SLC22A16: variants seen among roughly 807,000 people sequenced by gnomAD.
The protein encoded by SLC22A16 is WUGSC:RG331P03.1.
SLC22A16 carries 53 observed loss-of-function variants against 52.9 expected under a neutral mutation model. The observed-to-expected ratio is 1.00, with a 90% CI of 0.80 to 1.26. The LOEUF (loss-of-function observed/expected upper bound fraction) is 1.26, where lower values mean the gene tolerates loss of function less well. SLC22A16 is among the 50% of genes most tolerant of loss of function. The pLI is 0.00. For missense variants in SLC22A16, 726 were observed against 704.0 expected, an observed-to-expected ratio of 1.03 and a Z score of -0.35; for synonymous variants, 291 against 268.8, an observed-to-expected ratio of 1.08 and a Z score of -0.81.
intron 1 of SLC22A16, among the ~76,000 whole-genome samples, chr6:110,459,963 A>G (rs1334229530): frequency 7.2e-5 from 11 of 152,202 alleles, no homozygotes; most frequent in Admixed American, 7.2e-4. Flanking sequence ...AACCCCTGAA[A>G]TTAAGAGGCA....
intron 1 of SLC22A16, among the ~76,000 whole-genome samples, chr6:110,471,281 G>C (rs142962077): frequency 6.6e-6 from 1 of 152,184 alleles, no homozygotes; most frequent in Non-Finnish European, 1.5e-5. Flanking sequence ...GGAGCAGTGG[G>C]CTATACCATA....
intron 1 of SLC22A16, among the ~76,000 whole-genome samples, chr6:110,470,165 A>T (rs1235876248): frequency 6.6e-6 from 1 of 152,196 alleles, no homozygotes; most frequent in Admixed American, 6.5e-5. Context: ...AATAAGAGGC[A>T]TGAAAATCAG....
chr6:110,474,493 T>C (rs1354037563), intron 1 of SLC22A16, among the ~76,000 whole-genome samples: 2 of 152,256 alleles, frequency 1.3e-5, no homozygotes, highest in African/African-American at 4.8e-5. Context: ...AGTGGTTTGT[T>C]ACCCTTTTCC....
chr6:110,431,498 T>C (rs1015290166), intron 6 of SLC22A16, among the ~76,000 whole-genome samples: 3 of 152,186 alleles, frequency 2.0e-5, no homozygotes, highest in Non-Finnish European at 2.9e-5. Flanking sequence ...ATATTTACCA[T>C]TGTGTTACGA....
intron 2 of SLC22A16, among the ~76,000 whole-genome samples, chr6:110,451,323 G>A (rs1582558655): frequency 6.6e-6 from 1 of 152,292 alleles, no homozygotes; most frequent in Non-Finnish European, 1.5e-5. Flanking sequence ...CAGGGTATAT[G>A]CCCCAGAGCA....
At chr6:110,433,014 A>T (rs1774567553) in intron 6 of SLC22A16, among the ~76,000 whole-genome samples, 1 of 152,224 alleles carries the variant, frequency 6.6e-6, no homozygotes, top group Admixed American at 6.5e-5. Flanking sequence ...GCCTTTGGCC[A>T]CGACCCTAAT....
At chr6:110,450,891 C>A (rs1483855986) in intron 2 of SLC22A16, among the ~76,000 whole-genome samples, 1 of 152,170 alleles carries the variant, frequency 6.6e-6, no homozygotes, top group African/African-American at 2.4e-5. Flanking sequence ...GACTACAAAT[C>A]CCTTGCCCTT....
chr6:110,425,979 G>C (rs928364905), intron 7 of SLC22A16, among the ~76,000 whole-genome samples: 4 of 152,130 alleles, frequency 2.6e-5, no homozygotes, highest in African/African-American at 9.7e-5. Context: ...CTACACACTT[G>C]GTATGTTTAT....
chr6:110,447,698 C>T (rs1176991329), intron 2 of SLC22A16, among the ~76,000 whole-genome samples: 2 of 152,220 alleles, frequency 1.3e-5, no homozygotes, highest in African/African-American at 4.8e-5. Context: ...AACCACTCAT[C>T]TACCTTCTGT....
intron 3 of SLC22A16, among the ~76,000 whole-genome samples, chr6:110,445,133 C>G (rs912182311): frequency 1.3e-5 from 2 of 152,110 alleles, no homozygotes; most frequent in African/African-American, 4.8e-5. Flanking sequence ...TTGCCATTGC[C>G]TTTAGGAGAT....
chr6:110,476,052 G>C, intron 1 of SLC22A16: 1 of 455,814 alleles, frequency 2.2e-6, no homozygotes, highest in Non-Finnish European at 4.4e-6. Context: ...CTGACTAACG[G>C]TTGTCCCTGG....
intron 1 of SLC22A16, among the ~76,000 whole-genome samples, chr6:110,461,854 G>A (rs189237974): frequency 6.6e-6 from 1 of 152,292 alleles, no homozygotes; most frequent in African/African-American, 2.4e-5. Context: ...TCAAATGTTG[G>A]CAAATTCAAA....
chr6:110,427,055 C>T (rs931357683), intron 7 of SLC22A16, among the ~76,000 whole-genome samples: 13 of 151,482 alleles, frequency 8.6e-5, no homozygotes, highest in African/African-American at 3.2e-4. Context: ...AGTTTGAGAC[C>T]AGCCTGGGCA....
chr6:110,432,462 T>A (rs995258463), intron 6 of SLC22A16, among the ~76,000 whole-genome samples: 25 of 152,260 alleles, frequency 1.6e-4, no homozygotes, highest in African/African-American at 4.6e-4. Context: ...TCAGCACATG[T>A]GTGTCAAGAG....
At chr6:110,438,581 G>A in intron 5 of SLC22A16, 139 bp downstream of exon 5, 1 of 841,178 alleles carries the variant, frequency 1.2e-6, no homozygotes, top group Non-Finnish European at 1.6e-6. Flanking sequence ...ATGTTTTAAA[G>A]AAAACAGATT....
intron 2 of SLC22A16, among the ~76,000 whole-genome samples, chr6:110,449,384 TG>T (rs1255699547): frequency 2.0e-5 from 3 of 152,066 alleles, no homozygotes; most frequent in Non-Finnish European, 4.4e-5. Flanking sequence ...TTCCTAAGTA[TG>T]GGCTATTAAC....
intron 1 of SLC22A16, among the ~76,000 whole-genome samples, chr6:110,461,700 C>A (rs1274138617): frequency 6.6e-6 from 1 of 152,184 alleles, no homozygotes; most frequent in Non-Finnish European, 1.5e-5. Context: ...AAAGCCACCA[C>A]ACAAATGATA....
At chr6:110,470,686 G>C (rs1443957308) in intron 1 of SLC22A16, among the ~76,000 whole-genome samples, 1 of 151,410 alleles carries the variant, frequency 6.6e-6, no homozygotes, top group Non-Finnish European at 1.5e-5. Flanking sequence ...TTTTTCTCTT[G>C]TGCACACACA....
chr6:110,438,686 A>G (rs540415663), intron 5 of SLC22A16, 34 bp downstream of exon 5: 75 of 1,602,746 alleles, frequency 4.7e-5, no homozygotes, highest in Middle Eastern at 3.3e-4. Flanking sequence ...CTGTCACAGT[A>G]TAACTGTCTT....
Sources: gnomAD v4.1 joint callset for allele counts (sites outside exome capture counted in the v4.1 genomes callset) on GRCh38, gnomAD v4.1.1 for gene constraint, MANE v1.5 for transcripts, NCBI Gene and HGNC (gene_info 2026-07-23, HGNC 2026-07-21) for gene names.